The following TMEM131 variants were observed in gnomAD, a reference collection of about 807,000 sequenced individuals.
TMEM131 encodes the protein transmembrane protein 131.
TMEM131 carries 66 observed loss-of-function variants against 211.6 expected under a neutral mutation model. The ratio of observed to expected loss-of-function variants is 0.31; its 90% CI spans 0.26 to 0.38. The LOEUF is 0.38. TMEM131 is among the 10% of genes least tolerant of loss of function. The pLI is 1.00. For synonymous variants in TMEM131, 844 were observed against 841.3 expected (o/e 1.00, Z -0.06); for missense variants, 2,036 against 2,299.3 (o/e 0.89, Z 2.34).
At chr2:97,930,585 T>C (rs1446971771) in intron 1 of TMEM131, among the ~76,000 whole-genome samples, 2 of 146,386 alleles carry the variant, frequency 1.4e-5, no homozygotes, top group Non-Finnish European at 3.0e-5. Flanking sequence ...GATTCAACTC[T>C]GGCATAAAAC....
rs1678805209 is a variant in TMEM131 at position 97,760,901 on chromosome 2, T to C, written c.4903A>G (p.Lys1635Glu). Residue 1635 changes from lysine to glutamate, a missense_variant, in exon 37 of 41, where the codon AAA becomes GAA. By Grantham distance (56) the Lys-to-Glu change is moderately conservative (BLOSUM62 1). This residue lies in a region of TMEM131 where 1,623 missense variants were observed against 1,805.9 expected (regional missense o/e 0.90). Transcript: ENST00000186436. ...TTGTGTTTGCTTCCATTTGGCTGTT[T>C]TATTTTAGGGTCACTTGAAAAAGAA... ...NSSSSSDPKI[K>E]QPNGSKHKLT... 3.1e-6 allele frequency: 5 copies of C among 1,613,856 alleles called. No homozygotes were observed. The highest frequency in any genetic ancestry group is 1.6e-4 in the Middle Eastern group (1 of 6,084).
chr2:97,853,632 T>G (rs952745516), intron 5 of TMEM131, among the ~76,000 whole-genome samples: 7 of 150,704 alleles, frequency 4.6e-5, no homozygotes, highest in Admixed American at 2.6e-4. Flanking sequence ...AAAAGAACAT[T>G]TGTGATTCAT....
chr2:97,879,391 T>A lies in TMEM131; in HGVS notation c.359+8661A>T, dbSNP rs1034572290. 1.1e-4 allele frequency among the ~76,000 whole-genome samples: 16 copies of A among 152,230 alleles called. 1 individual carries two copies. The highest frequency in any genetic ancestry group is 2.1e-4 in the Non-Finnish European group (14 of 68,036). On this transcript the variant is annotated intron_variant, in intron 4 of 40. Transcript: ENST00000186436. Reference sequence around the variant, plus strand: ...TATTATGGTCCTCAGTATTCCAATATATTATCATTTTTGCCTCAGTTAATT... The same window carrying A: ...TATTATGGTCCTCAGTATTCCAATAAATTATCATTTTTGCCTCAGTTAATT...
At chr2:97,881,010 A>G (rs1674903200) in intron 4 of TMEM131, among the ~76,000 whole-genome samples, 1 of 152,176 alleles carries the variant, frequency 6.6e-6, no homozygotes, top group Non-Finnish European at 1.5e-5. Flanking sequence ...CACCAAACAA[A>G]AAGACCTAAA....
intron 31 of TMEM131, among the ~76,000 whole-genome samples, chr2:97,791,448 G>C (rs1217786587): frequency 6.6e-6 from 1 of 152,214 alleles, no homozygotes; most frequent in Non-Finnish European, 1.5e-5. Context: ...CTGCCAAGCT[G>C]TGACCCGCTC....
intron 4 of TMEM131, among the ~76,000 whole-genome samples, chr2:97,862,801 T>C (rs988071915): frequency 1.3e-5 from 2 of 151,614 alleles, no homozygotes; most frequent in African/African-American, 4.8e-5. Context: ...GAGAAGGAAA[T>C]AGGGGTAGAA....
chr2:97,957,997 A>G (rs1678648756), intron 1 of TMEM131, among the ~76,000 whole-genome samples: 1 of 152,218 alleles, frequency 6.6e-6, no homozygotes, highest in Admixed American at 6.5e-5. Context: ...ATTCAGCCAC[A>G]AGGGTTTATG....
chr2:97,768,931 A>C (rs1024868800), intron 33 of TMEM131, among the ~76,000 whole-genome samples: 8 of 144,510 alleles, frequency 5.5e-5, no homozygotes, highest in Non-Finnish European at 1.2e-4. Context: ...AAGGAAAAAC[A>C]GGTGGTTCAG....
rs766985459 is a variant in TMEM131 at position 97,927,451 on chromosome 2, C to T, written c.224G>A (p.Arg75His). 23 of 1,587,702 alleles carry T rather than the reference C, an allele frequency of 1.4e-5. No homozygotes were observed. The East Asian group carries it at 1.8e-4, about 13-fold the overall frequency. Reference sequence around the variant, plus strand: ...CTGTAGTAGCCCTCCATCATCAAAACGCAGTACTTCTATTATGCTCTCTGA... The same window carrying T: ...CTGTAGTAGCCCTCCATCATCAAAATGCAGTACTTCTATTATGCTCTCTGA... Reference protein sequence around the residue: ...VQSESIIEVLRFDDGGLLQTE... With the variant: ...VQSESIIEVLHFDDGGLLQTE... The change falls in exon 2 of 41, where the codon CGT becomes CAT. Residue 75 changes from arginine (R) to histidine (H), a missense_variant. Physicochemically the swap from Arg to His is conservative, Grantham distance 29. Around this residue, in one of 3 missense-constraint regions of TMEM131, gnomAD observed 136 missense variants for 115.4 expected, o/e 1.18. Coordinates refer to ENST00000186436, the MANE Select transcript of TMEM131 (RefSeq NM_015348.2).
At chr2:97,826,540 C>G (rs1265746149) in intron 11 of TMEM131, among the ~76,000 whole-genome samples, 4 of 151,360 alleles carry the variant, frequency 2.6e-5, no homozygotes, top group Non-Finnish European at 4.4e-5. Context: ...AGGGAAAGAC[C>G]AGCAGAAAGG....
chr2:97,781,764 CA>C (rs1460590407), intron 31 of TMEM131, among the ~76,000 whole-genome samples: 1 of 152,192 alleles, frequency 6.6e-6, no homozygotes. Flanking sequence ...TGAGGAAAGG[CA>C]TGATAGTAAG....
At chr2:97,900,019 C>A (rs1309372922) in intron 3 of TMEM131, among the ~76,000 whole-genome samples, 1 of 151,982 alleles carries the variant, frequency 6.6e-6, no homozygotes, top group Non-Finnish European at 1.5e-5. Flanking sequence ...ATTTAATACA[C>A]CAACTTACTT....
In TMEM131 at chr2:97,802,523, A is replaced by T; in HGVS notation, c.2556T>A (p.Thr852=). Residue 852 remains threonine, a synonymous_variant, in exon 24 of 41, where the codon ACT becomes ACA. Coordinates refer to ENST00000186436, the MANE Select transcript of TMEM131 (RefSeq NM_015348.2). ...NTNCSSEEEI[T]LENPADVPVY... ...CAGGAACATCTGCAGGATTTTCTAA[A>T]GTAATCTCTTCTTCCTTAAACAAAA... The T allele has an allele frequency of 6.2e-7, 1 of 1,611,088 alleles. No homozygotes were observed. Among genetic ancestry groups the T allele is most frequent in the Non-Finnish European group, 8.5e-7 (1 of 1,178,960 alleles).
chr2:97,989,100 G>C (rs1409151666), intron 1 of TMEM131, among the ~76,000 whole-genome samples: 2 of 152,112 alleles, frequency 1.3e-5, no homozygotes, highest in African/African-American at 4.8e-5. Context: ...TATAAATGTT[G>C]TCTTTTTTAT....
intron 11 of TMEM131, among the ~76,000 whole-genome samples, chr2:97,832,004 CAAAAAAAAAAAAAA>C (rs770432398): frequency 3.3e-5 from 2 of 60,272 alleles, no homozygotes; most frequent in Admixed American, 4.6e-4. Context: ...AAGTCACTTC[CAAAAAAAAAAAAAA>C]AAAAAAAAGC....
At chr2:97,957,227 C>G (rs1678612160) in intron 1 of TMEM131, among the ~76,000 whole-genome samples, 1 of 152,078 alleles carries the variant, frequency 6.6e-6, no homozygotes, top group Non-Finnish European at 1.5e-5. Context: ...TTGGCAACTT[C>G]TAAGCACAAT....
intron 5 of TMEM131, among the ~76,000 whole-genome samples, chr2:97,856,786 G>A (rs375091195): frequency 1.1e-4 from 17 of 151,956 alleles, no homozygotes; most frequent in African/African-American, 3.9e-4. Context: ...TCTACGTCTC[G>A]AGCTTAAGTC....
At chr2:97,960,042 G>A (rs1573618283) in intron 1 of TMEM131, among the ~76,000 whole-genome samples, 1 of 152,264 alleles carries the variant, frequency 6.6e-6, no homozygotes, top group South Asian at 2.1e-4. Context: ...ACCCTAACAA[G>A]AGACTGATAT....
At chr2:97,923,048 G>A (rs1676812381) in intron 2 of TMEM131, among the ~76,000 whole-genome samples, 1 of 152,156 alleles carries the variant, frequency 6.6e-6, no homozygotes, top group African/African-American at 2.4e-5. Flanking sequence ...CAGCATTTTG[G>A]GAGGCCAAAG....
Sources: allele counts gnomAD v4.1 joint callset (sites outside exome capture counted in the v4.1 genomes callset), GRCh38; gene constraint gnomAD v4.1.1; regional missense constraint gnomAD v4.1.1; transcripts MANE v1.5; gene names NCBI Gene and HGNC (gene_info 2026-07-23, HGNC 2026-07-21).